Variants in GSTCD observed in about 807,000 individuals in gnomAD.
GSTCD encodes the protein glutathione S-transferase C-terminal domain-containing protein.
A neutral mutation model predicts 68.3 loss-of-function variants in GSTCD; 44 were observed. The ratio of observed to expected loss-of-function variants is 0.64; its 90% CI spans 0.51 to 0.83. The LOEUF is 0.83. Among genes scored for constraint, GSTCD ranks in the 40% least tolerant of loss-of-function variants. The probability of loss-of-function intolerance (pLI) is 0.00; values close to 1 mark genes in which losing one functional copy is unlikely to be tolerated. For missense variants in GSTCD, 739 were observed against 735.9 expected (o/e 1.00, Z -0.05); for synonymous variants, 273 against 255.2 (o/e 1.07, Z -0.67).
At chr4:105,765,481 A>C (rs1734569418) in intron 5 of GSTCD, among the ~76,000 whole-genome samples, 1 of 152,224 alleles carries the variant, frequency 6.6e-6, no homozygotes, top group African/African-American at 2.4e-5. Flanking sequence ...TCAAATCTTG[A>C]AACAGCGCAA....
chr4:105,749,091 CAAG>C (rs1425849198), intron 5 of GSTCD, among the ~76,000 whole-genome samples: 1 of 151,588 alleles, frequency 6.6e-6, no homozygotes, highest in Non-Finnish European at 1.5e-5. Context: ...AGGAATGTAA[CAAG>C]GAGGTAGAGA....
chr4:105,741,019 A>T (rs1482056156), intron 5 of GSTCD, among the ~76,000 whole-genome samples: 1 of 152,136 alleles, frequency 6.6e-6, no homozygotes, highest in Non-Finnish European at 1.5e-5. Flanking sequence ...TGTTTTTTAG[A>T]TAGAGAATTC....
chr4:105,777,599 G>A (rs1735120521), intron 5 of GSTCD, among the ~76,000 whole-genome samples: 1 of 152,142 alleles, frequency 6.6e-6, no homozygotes, highest in East Asian at 1.9e-4. Flanking sequence ...CCATGAGACT[G>A]CTACCTTTTG....
chr4:105,798,994 C>T (rs1736005262), intron 5 of GSTCD, among the ~76,000 whole-genome samples: 1 of 152,216 alleles, frequency 6.6e-6, no homozygotes, highest in African/African-American at 2.4e-5. Flanking sequence ...CACCTCATCA[C>T]TTATCTAGAT....
chr4:105,748,807 A>G lies in GSTCD; in HGVS notation c.1240+19308A>G, dbSNP rs1007041995. Among the ~76,000 whole-genome samples the G allele has an allele frequency of 1.2e-4, 10 of 82,656 alleles. No homozygotes were observed. The South Asian group carries it at 5.2e-3, about 43-fold the overall frequency. The allele number at this position is 82,656 out of a possible 152,430, so 54.2% of individuals were successfully genotyped here. ...TTAAATTTATTTCTTTTTCTGGGAG[A>G]AAGTTAGAGAAGTCAGCCAGAGTAA... On this transcript the variant is annotated intron_variant, in intron 5 of 11. Transcript: ENST00000515279.
At chr4:105,770,778 GC>G (rs1467011274) in intron 5 of GSTCD, among the ~76,000 whole-genome samples, 1 of 152,126 alleles carries the variant, frequency 6.6e-6, no homozygotes, top group African/African-American at 2.4e-5. Context: ...ATCATTGATG[GC>G]CATTTGGGTT....
At chr4:105,737,131 A>G (rs1013074537) in intron 5 of GSTCD, among the ~76,000 whole-genome samples, 3 of 152,222 alleles carry the variant, frequency 2.0e-5, no homozygotes, top group African/African-American at 4.8e-5. Flanking sequence ...TAGATCCTAT[A>G]GTAGTTCTAA....
chr4:105,822,362 C>G (rs1723343567), intron 5 of GSTCD, among the ~76,000 whole-genome samples: 1 of 152,034 alleles, frequency 6.6e-6, no homozygotes, highest in Admixed American at 6.6e-5. Flanking sequence ...TCCCTAAATA[C>G]AGTAACCATT....
chr4:105,741,870 T>C (rs1056529615), intron 5 of GSTCD, among the ~76,000 whole-genome samples: 5 of 152,208 alleles, frequency 3.3e-5, no homozygotes, highest in Non-Finnish European at 7.4e-5. Context: ...TAAGGCAGAA[T>C]TGTGGCATTT....
chr4:105,712,044 A>G (rs1210384918), intron 1 of GSTCD, among the ~76,000 whole-genome samples: 1 of 152,262 alleles, frequency 6.6e-6, no homozygotes, highest in East Asian at 1.9e-4. Context: ...TGTCATGAAG[A>G]ATGAGATACA....
intron 5 of GSTCD, among the ~76,000 whole-genome samples, chr4:105,800,844 C>T (rs1736079833): frequency 6.6e-6 from 1 of 152,156 alleles, no homozygotes; most frequent in Non-Finnish European, 1.5e-5. Flanking sequence ...TTTTTATCAA[C>T]TGATAGCCTT....
chr4:105,751,986 A>G (rs2149227997), intron 5 of GSTCD, among the ~76,000 whole-genome samples: 1 of 152,302 alleles, frequency 6.6e-6, no homozygotes, highest in South Asian at 2.1e-4. Context: ...GAGTAGCAAG[A>G]TTAAATTCAA....
intron 5 of GSTCD, among the ~76,000 whole-genome samples, chr4:105,789,578 A>G (rs1735587373): frequency 6.6e-6 from 1 of 152,060 alleles, no homozygotes; most frequent in African/African-American, 2.4e-5. Context: ...AGCTGAGAGC[A>G]TCGCAGTTGG....
At chr4:105,712,801 T>C (rs1266850534) in intron 1 of GSTCD, among the ~76,000 whole-genome samples, 3 of 151,828 alleles carry the variant, frequency 2.0e-5, no homozygotes, top group Admixed American at 2.0e-4. Context: ...AGCATCTGGG[T>C]AATTGGTGTT....
chr4:105,714,027 A>G (rs1322493044), intron 1 of GSTCD, among the ~76,000 whole-genome samples: 2 of 151,960 alleles, frequency 1.3e-5, no homozygotes, highest in Non-Finnish European at 1.5e-5. Flanking sequence ...TGAAAGTGAA[A>G]AAAAAAAACC....
chr4:105,815,904 CAGAGT>C (rs1369890863), intron 5 of GSTCD, among the ~76,000 whole-genome samples: 3 of 152,020 alleles, frequency 2.0e-5, no homozygotes, highest in East Asian at 1.9e-4. Flanking sequence ...AATGCCAGAG[CAGAGT>C]AATGTTTACT....
chr4:105,781,306 T>A (rs1389478416), intron 5 of GSTCD, among the ~76,000 whole-genome samples: 2 of 152,178 alleles, frequency 1.3e-5, no homozygotes, highest in Admixed American at 6.5e-5. Context: ...TGGAATGCAG[T>A]GGCACAATTA....
intron 11 of GSTCD, among the ~76,000 whole-genome samples, chr4:105,844,940 T>C (rs1174667670): frequency 2.0e-5 from 3 of 152,246 alleles, no homozygotes; most frequent in Non-Finnish European, 2.9e-5. Context: ...AAAAGGCATG[T>C]AATTGAGAAT....
chr4:105,717,368 A>G (rs1167940733), intron 1 of GSTCD, among the ~76,000 whole-genome samples: 1 of 152,172 alleles, frequency 6.6e-6, no homozygotes, highest in African/African-American at 2.4e-5. Flanking sequence ...GCTCATTTTA[A>G]AGGAGCTGGG....
Sources: gnomAD v4.1 joint callset for allele counts (sites outside exome capture counted in the v4.1 genomes callset) on GRCh38, gnomAD v4.1.1 for gene constraint, MANE v1.5 for transcripts, NCBI Gene and HGNC (gene_info 2026-07-23, HGNC 2026-07-21) for gene names.